Variants in PTGER3 observed in about 807,000 individuals in gnomAD.
PTGER3 encodes the protein prostaglandin E2 receptor EP3 subtype.
PTGER3 carries 22 observed loss-of-function variants against 34.7 expected under a neutral mutation model. The ratio of observed to expected loss-of-function variants is 0.63; its 90% confidence interval spans 0.45 to 0.91. The LOEUF is 0.91. Among genes scored for constraint, PTGER3 ranks in the 40% least tolerant of loss-of-function variants. The pLI is 0.00. For synonymous variants in PTGER3, 241 were observed against 230.1 expected (o/e 1.05, Z -0.43); for missense variants, 468 against 519.4 (o/e 0.90, Z 0.96).
intron 4 of PTGER3, among the ~76,000 whole-genome samples, chr1:70,898,775 A>G (rs1391503181): frequency 6.6e-6 from 1 of 152,230 alleles, no homozygotes; most frequent in Non-Finnish European, 1.5e-5. Context: ...AGCATATAAA[A>G]TAGTGAACAT....
chr1:70,969,608 A>C (rs1652881077), downstream of PTGER3, among the ~76,000 whole-genome samples: 1 of 152,212 alleles, frequency 6.6e-6, no homozygotes, highest in South Asian at 2.1e-4. Flanking sequence ...AGGTAAGGAA[A>C]AAACAAAAAT....
In PTGER3 at chr1:70,952,933, T is replaced by A; in HGVS notation, c.1231A>T (p.Arg411Ter). The change falls in exon 4 of 4, where the codon AGA (arginine) becomes TGA (stop). Residue 411 changes from arginine to a stop codon, truncating the protein, a stop_gained. Coordinates refer to the PTGER3 transcript ENST00000356595. LOFTEE classifies it high-confidence loss of function. ...TATTCTGTCTTTACTGTTGAGATTCTGGTGTACACATTAATGCTGCTCACG... is the reference window on the plus strand; with the variant it reads ...TATTCTGTCTTTACTGTTGAGATTCAGGTGTACACATTAATGCTGCTCACG... The A allele has an allele frequency of 6.2e-7, 1 of 1,612,194 alleles. No homozygotes were observed. The highest frequency in any genetic ancestry group is 8.5e-7 in the Non-Finnish European group (1 of 1,178,838).
rs371197553 is a variant in PTGER3 at position 70,904,223 on chromosome 1, T to G, written c.*23+49540A>C. 1.3e-5 allele frequency among the ~76,000 whole-genome samples: 2 copies of G among 152,202 alleles called. 1 individual carries two copies. Among genetic ancestry groups the G allele is most frequent in the East Asian group, 3.9e-4 (2 of 5,186 alleles). ...CAGCCACATGGAACTGTGAGACCAA[T>G]TAAATCTCTTTATTTTGTAAATTTC... is the stretch of plus-strand genomic sequence containing the variant. On this transcript the variant is annotated intron_variant, in intron 4 of 4. Transcript: ENST00000370931.
At chr1:71,018,516 T>C (rs1021804496) in intron 1 of PTGER3, among the ~76,000 whole-genome samples, 5 of 152,182 alleles carry the variant, frequency 3.3e-5, no homozygotes, top group Non-Finnish European at 5.9e-5. Context: ...GTTTTGCTTA[T>C]CTTTTTCAGT....
chr1:70,900,395 C>A (rs1454667744), intron 4 of PTGER3, among the ~76,000 whole-genome samples: 2 of 152,036 alleles, frequency 1.3e-5, no homozygotes, highest in Non-Finnish European at 2.9e-5. Flanking sequence ...TGAGTGTCAG[C>A]CTCTTTTACA....
At chr1:70,992,414 A>C (rs6661368) in intron 2 of PTGER3, among the ~76,000 whole-genome samples, 2,446 of 152,336 alleles carry the variant, frequency 0.016, 83 homozygotes, top group African/African-American at 0.057. Context: ...CCTGATATAC[A>C]CAACAGATAA....
intron 4 of PTGER3, among the ~76,000 whole-genome samples, chr1:70,870,855 A>G (rs552758916): frequency 2.5e-4 from 38 of 152,278 alleles, no homozygotes; most frequent in African/African-American, 7.7e-4. Flanking sequence ...CCATATCACT[A>G]TCGGCATTTT....
intron 4 of PTGER3, among the ~76,000 whole-genome samples, chr1:70,913,508 C>G (rs1046446161): frequency 2.6e-5 from 4 of 151,898 alleles, no homozygotes; most frequent in Non-Finnish European, 4.4e-5. Flanking sequence ...ATTATCCTGA[C>G]TGGAATCTCC....
At chr1:70,979,049 T>C (rs955460322) in intron 2 of PTGER3, among the ~76,000 whole-genome samples, 1 of 152,158 alleles carries the variant, frequency 6.6e-6, no homozygotes, top group African/African-American at 2.4e-5. Flanking sequence ...TGCTTGTTTC[T>C]TAAAGAAATG....
intron 4 of PTGER3, among the ~76,000 whole-genome samples, chr1:70,896,428 A>G (rs1646722583): frequency 6.6e-6 from 1 of 152,132 alleles, no homozygotes; most frequent in Non-Finnish European, 1.5e-5. Flanking sequence ...GGAATGCCAG[A>G]AAACTACCAG....
intron 2 of PTGER3, among the ~76,000 whole-genome samples, chr1:70,999,450 A>C (rs1656278026): frequency 6.6e-6 from 1 of 152,160 alleles, no homozygotes; most frequent in African/African-American, 2.4e-5. Context: ...GGGATGGAAA[A>C]CTCAGAAACA....
intron 4 of PTGER3, among the ~76,000 whole-genome samples, chr1:70,895,893 CT>C (rs1339478691): frequency 6.6e-6 from 1 of 152,150 alleles, no homozygotes; most frequent in Non-Finnish European, 1.5e-5. Context: ...CCAAATAAAA[CT>C]TTTTCACAGA....
chr1:71,016,121 C>T (rs182828653), intron 1 of PTGER3, among the ~76,000 whole-genome samples: 46 of 152,180 alleles, frequency 3.0e-4, no homozygotes, highest in African/African-American at 9.9e-4. Context: ...TTTGTAGTGA[C>T]GGGGTCTCAC....
chr1:71,019,464 G>A (rs184849186), intron 1 of PTGER3, among the ~76,000 whole-genome samples: 18 of 152,230 alleles, frequency 1.2e-4, no homozygotes, highest in Admixed American at 9.8e-4. Context: ...GTTATCAGCA[G>A]TAATAGAGAG....
At chr1:70,963,985 A>G (rs1652241576) in intron 2 of PTGER3, among the ~76,000 whole-genome samples, 1 of 152,202 alleles carries the variant, frequency 6.6e-6, no homozygotes, top group African/African-American at 2.4e-5. Context: ...AGTTCCACAT[A>G]TATCTAGGGC....
intron 4 of PTGER3, among the ~76,000 whole-genome samples, chr1:70,890,590 C>G (rs1025335346): frequency 6.6e-6 from 1 of 152,140 alleles, no homozygotes; most frequent in African/African-American, 2.4e-5. Flanking sequence ...CTGCATGGTT[C>G]GTCTAACCTT....
At chr1:70,950,846 C>G (rs375330573), downstream of PTGER3, 2 of 152,166 alleles carry the variant, frequency 1.3e-5, no homozygotes, top group South Asian at 2.1e-4. Context: ...CTACAGGAGC[C>G]TACCACCACG....
Position 71,047,388 on chromosome 1 carries a change from C to T in PTGER3, c.190G>A (p.Val64Met). 6.2e-7 allele frequency: 1 copy of T among 1,611,612 alleles called. No individual in the cohort carries two copies. The highest frequency in any genetic ancestry group is 1.1e-5 in the South Asian group (1 of 90,428). ...FPITMLLTGF[V>M]GNALAMLLVS... ...AGCAGCATGGCCAGTGCGTTGCCCA[C>T]GAAACCAGTGAGCAGCATGGTGATC... The change falls in exon 1 of 4, where the codon GTG becomes ATG. Residue 64 changes from valine (V) to methionine (M), a missense_variant. Val to Met is a conservative substitution (Grantham distance 21). Around this residue, in one of 5 missense-constraint regions of PTGER3, gnomAD observed 151 missense variants for 133.5 expected, o/e 1.13. Coordinates refer to ENST00000306666, the MANE Select transcript of PTGER3 (RefSeq NM_198719.2).
chr1:70,890,282 C>A (rs1387524626), intron 4 of PTGER3, among the ~76,000 whole-genome samples: 5 of 152,058 alleles, frequency 3.3e-5, no homozygotes. Flanking sequence ...TTTCTGACAC[C>A]CCTGTACCAT....
Sources: gnomAD v4.1 joint callset for allele counts (sites outside exome capture counted in the v4.1 genomes callset) on GRCh38, gnomAD v4.1.1 for gene constraint, gnomAD v4.1.1 regional missense constraint, MANE v1.5 for transcripts, NCBI Gene and HGNC (gene_info 2026-07-23, HGNC 2026-07-21) for gene names.